The following LRP1B variants were observed in gnomAD, a reference collection of about 807,000 sequenced individuals.
LRP1B encodes LDL receptor related protein 1B.
LRP1B carries 217 observed loss-of-function variants against 556.6 expected under a neutral mutation model. The observed-to-expected ratio is 0.39, with a 90% confidence interval of 0.35 to 0.44. The LOEUF (loss-of-function observed/expected upper bound fraction) is 0.44. Among genes scored for constraint, LRP1B ranks in the 20% least tolerant of loss-of-function variants. LRP1B has a pLI of 1.00. For synonymous variants in LRP1B, 2,047 were observed against 1,865.8 expected, an observed-to-expected ratio of 1.10 and a Z score of -2.50; for missense variants, 5,053 against 5,620.8, an observed-to-expected ratio of 0.90 and a Z score of 3.23.
intron 31 of LRP1B, among the ~76,000 whole-genome samples, chr2:140,832,363 A>G (rs1438757202): frequency 6.6e-6 from 1 of 152,196 alleles, no homozygotes; most frequent in African/African-American, 2.4e-5. Flanking sequence ...ATTCTCCAAA[A>G]GACTAAAAAT....
At chr2:142,061,050 G>A (rs997576324) in intron 1 of LRP1B, among the ~76,000 whole-genome samples, 3 of 151,904 alleles carry the variant, frequency 2.0e-5, no homozygotes, top group African/African-American at 7.3e-5. Flanking sequence ...TCAAAGGGGA[G>A]TAACAGCATG....
intron 1 of LRP1B, among the ~76,000 whole-genome samples, chr2:141,825,810 C>T (rs1371204271): frequency 2.0e-5 from 3 of 152,046 alleles, no homozygotes; most frequent in Non-Finnish European, 4.4e-5. Context: ...TTAATATTAA[C>T]AGAAAATTAG....
chr2:141,309,105 A>G (rs1174049528), intron 3 of LRP1B, among the ~76,000 whole-genome samples: 1 of 152,134 alleles, frequency 6.6e-6, no homozygotes, highest in Admixed American at 6.6e-5. Flanking sequence ...CTTGGTTGGA[A>G]CCACATGTGA....
At chr2:141,753,263 C>CATATGTATATATATATATATAT (rs1694187993) in intron 2 of LRP1B, among the ~76,000 whole-genome samples, 1 of 62,502 alleles carries the variant, frequency 1.6e-5, no homozygotes, top group Admixed American at 1.6e-4. Context: ...TCTCTCTCTC[C>CATATGTATATATATATATATAT]ATATATATAT....
At chr2:140,478,144 CTTTTTTTTTTT>C (rs35948232) in intron 59 of LRP1B, among the ~76,000 whole-genome samples, 5 of 62,780 alleles carry the variant, frequency 8.0e-5, no homozygotes, top group African/African-American at 1.1e-4. Flanking sequence ...TATAACTTAA[CTTTTTTTTTTT>C]TTTTTTTTTT....
intron 1 of LRP1B, among the ~76,000 whole-genome samples, chr2:142,058,261 T>G (rs1347550925): frequency 6.6e-6 from 1 of 152,102 alleles, no homozygotes; most frequent in East Asian, 1.9e-4. Context: ...CTGCTGGGAT[T>G]TGCACTTAAA....
chr2:140,773,296 C>A (rs1472042114), intron 33 of LRP1B, among the ~76,000 whole-genome samples: 1 of 152,122 alleles, frequency 6.6e-6, no homozygotes, highest in Admixed American at 6.5e-5. Context: ...GAAACCCCGT[C>A]TCTGCTAAAA....
chr2:140,599,814 C>T (rs1004492546), intron 42 of LRP1B, among the ~76,000 whole-genome samples: 2 of 151,968 alleles, frequency 1.3e-5, no homozygotes, highest in Admixed American at 6.6e-5. Context: ...GAAAACAGAA[C>T]GGCCCAGAGA....
intron 35 of LRP1B, among the ~76,000 whole-genome samples, chr2:140,727,620 C>A (rs189911529): frequency 2.6e-5 from 4 of 152,178 alleles, no homozygotes; most frequent in Non-Finnish European, 5.9e-5. Context: ...GGTAAAGGAC[C>A]AATTTACTAA....
intron 3 of LRP1B, among the ~76,000 whole-genome samples, chr2:141,276,463 G>A (rs539087994): frequency 1.3e-5 from 2 of 151,986 alleles, no homozygotes; most frequent in East Asian, 3.9e-4. Flanking sequence ...CCAGCCTCAA[G>A]TAGGCCCCAG....
At chr2:140,747,449 A>G (rs1385525889) in intron 35 of LRP1B, among the ~76,000 whole-genome samples, 1 of 152,184 alleles carries the variant, frequency 6.6e-6, no homozygotes, top group African/African-American at 2.4e-5. Context: ...ACAGAGGGTC[A>G]CTTAGAAGCC....
rs983399173 is a variant in LRP1B at position 140,525,707 on chromosome 2, C to G, written c.8026+137G>C. ...CGGTATGTTTAGAACAGGTTAATTA[C>G]ATTTCAGTCTGTGCCATTTAAATTT... On this transcript the variant is annotated intron_variant, in intron 49 of 90. Transcript: ENST00000389484. The G allele has an allele frequency of 4.2e-6, 3 of 716,414 alleles. No homozygotes were observed. The African/African-American group carries it at 5.4e-5, about 13-fold the overall frequency. 44.4% of individuals were successfully genotyped at this position (716,414 alleles called of 1,614,324 possible). A position where few individuals can be genotyped will look rare whatever the true frequency, so the allele number is the denominator to read the frequency against.
chr2:141,974,907 C>G (rs994476713), intron 1 of LRP1B, among the ~76,000 whole-genome samples: 2 of 152,052 alleles, frequency 1.3e-5, no homozygotes, highest in Non-Finnish European at 2.9e-5. Flanking sequence ...TTTGCCCAGA[C>G]TTCTCATAAT....
In LRP1B at chr2:141,909,529, T is replaced by A. The variant is rs1407078908; in HGVS notation, c.83-99128A>T. Among the ~76,000 whole-genome samples the A allele has an allele frequency of 9.0e-4, 34 of 37,664 alleles. 1 individual carries two copies. The highest frequency in any genetic ancestry group is 1.7e-3 in the East Asian group (2 of 1,148). 24.7% of individuals were successfully genotyped at this position (37,664 alleles called of 152,430 possible). ...TAATCAGACTAAGGTCTCAGACATTTTTTTTTTTTTTTTTTTTTTTTTTTT... is the reference window on the plus strand; with the variant it reads ...TAATCAGACTAAGGTCTCAGACATTATTTTTTTTTTTTTTTTTTTTTTTTT... On this transcript the variant is annotated intron_variant, in intron 1 of 90. Coordinates refer to ENST00000389484, the MANE Select transcript of LRP1B (RefSeq NM_018557.3).
chr2:141,528,730 T>C (rs1684776924), intron 2 of LRP1B, among the ~76,000 whole-genome samples: 1 of 152,240 alleles, frequency 6.6e-6, no homozygotes. Flanking sequence ...ACTCTGCCCC[T>C]GGAAATGTTA....
In LRP1B at chr2:141,892,150, C is replaced by T. The variant is rs1460430714; in HGVS notation, c.83-81749G>A. 2.0e-4 allele frequency among the ~76,000 whole-genome samples: 31 copies of T among 151,430 alleles called. 1 individual carries two copies. The highest frequency in any genetic ancestry group is 2.0e-3 in the Admixed American group (31 of 15,206). On this transcript the variant is annotated intron_variant, in intron 1 of 90. Transcript: ENST00000389484. ...TATTTCAGATATATAAATTATTCCA[C>T]TGGAAATAAATGTAATGAAGAATGA...
chr2:140,862,228 G>A (rs1185567822), intron 27 of LRP1B, among the ~76,000 whole-genome samples: 1 of 152,010 alleles, frequency 6.6e-6, no homozygotes, highest in Non-Finnish European at 1.5e-5. Context: ...TGGCCTAAAG[G>A]CTAATACTGG....
At chr2:140,659,931 G>T (rs1390748206) in intron 41 of LRP1B, among the ~76,000 whole-genome samples, 2 of 151,870 alleles carry the variant, frequency 1.3e-5, no homozygotes, top group Non-Finnish European at 2.9e-5. Flanking sequence ...ATATGCAACT[G>T]TTTATCAATA....
intron 1 of LRP1B, among the ~76,000 whole-genome samples, chr2:142,122,090 G>A (rs907406083): frequency 1.1e-4 from 16 of 152,146 alleles, no homozygotes; most frequent in Admixed American, 1.0e-3. Context: ...TCATAGCTAT[G>A]TTTATCTTCT....
Sources: gnomAD v4.1 joint callset for allele counts (sites outside exome capture counted in the v4.1 genomes callset) on GRCh38, gnomAD v4.1.1 for gene constraint, MANE v1.5 for transcripts, NCBI Gene and HGNC (gene_info 2026-07-23, HGNC 2026-07-21) for gene names.